GAREM1: variants seen among roughly 807,000 people sequenced by gnomAD.
The protein encoded by GAREM1 is GRB2-associated and regulator of MAPK protein 1.
A neutral mutation model predicts 71.3 loss-of-function variants in GAREM1; 26 were observed. The ratio of observed to expected loss-of-function variants is 0.36; its 90% CI spans 0.27 to 0.51. The LOEUF is 0.51. GAREM1 is among the 20% of genes least tolerant of loss of function. The pLI is 0.95. For synonymous variants in GAREM1, 440 were observed against 433.2 expected (o/e 1.02, Z -0.20); for missense variants, 1,026 against 1,103.1 (o/e 0.93, Z 0.99).
chr18:32,463,710 C>T (rs2048973164), intron 1 of GAREM1, among the ~76,000 whole-genome samples: 1 of 151,852 alleles, frequency 6.6e-6, no homozygotes, highest in South Asian at 2.1e-4. Context: ...GCTGGGACTA[C>T]AGGCACATGC....
chr18:32,469,648 G>A (rs1029040534), intron 1 of GAREM1, among the ~76,000 whole-genome samples: 11 of 152,172 alleles, frequency 7.2e-5, no homozygotes, highest in Admixed American at 2.0e-4. Context: ...CTGAGCTCAG[G>A]TTCCGAATCA....
At chr18:32,370,898 C>A (rs2047971643) in intron 2 of GAREM1, among the ~76,000 whole-genome samples, 2 of 152,144 alleles carry the variant, frequency 1.3e-5, no homozygotes, top group African/African-American at 4.8e-5. Flanking sequence ...ATAGACACAT[C>A]ATTGGTCTGA....
intron 2 of GAREM1, among the ~76,000 whole-genome samples, chr18:32,368,914 A>G (rs562046484): frequency 6.6e-6 from 1 of 152,362 alleles, no homozygotes; most frequent in Admixed American, 6.5e-5. Context: ...GAGCCAAAAA[A>G]AAATCTGCTT....
chr18:32,392,927 C>T lies in GAREM1; in HGVS notation c.230G>A (p.Gly77Glu). Residue 77 changes from glycine (G) to glutamate (E), a missense_variant, in exon 2 of 6, where the codon GGG becomes GAG. Physicochemically the swap from Gly to Glu is moderately conservative, Grantham distance 98. Coordinates refer to ENST00000269209, the MANE Select transcript of GAREM1 (RefSeq NM_001242409.2). ...HSLEEGHYVI[G>E]PKIEIPVHYA... The stretch of plus-strand genomic sequence containing the variant: ...ATGTACCGGAATCTCTATCTTTGGC[C>T]CAATGACATAGTGACCCTCCTCCAA... 6.2e-7 allele frequency: 1 copy of T among 1,613,792 alleles called. No individual in the cohort carries two copies. Among genetic ancestry groups the T allele is most frequent in the Non-Finnish European group, 8.5e-7 (1 of 1,179,860 alleles).
intron 2 of GAREM1, among the ~76,000 whole-genome samples, chr18:32,344,837 A>AAG (rs2047679086): frequency 6.6e-6 from 1 of 152,192 alleles, no homozygotes; most frequent in Non-Finnish European, 1.5e-5. Flanking sequence ...CAAGGCGGGC[A>AAG]GAACACAAGG....
intron 2 of GAREM1, among the ~76,000 whole-genome samples, chr18:32,359,410 C>T (rs910540993): frequency 5.3e-5 from 8 of 152,184 alleles, no homozygotes; most frequent in African/African-American, 1.2e-4. Flanking sequence ...CCCCGATCCT[C>T]CCAATTTGGC....
chr18:32,336,632 C>T (rs748911087), intron 2 of GAREM1, among the ~76,000 whole-genome samples: 5 of 152,092 alleles, frequency 3.3e-5, no homozygotes, highest in South Asian at 2.1e-4. Context: ...CTGCATATAG[C>T]GAGGCTGGGC....
At chr18:32,307,584 G>A (rs974054463) in intron 3 of GAREM1, among the ~76,000 whole-genome samples, 11 of 152,122 alleles carry the variant, frequency 7.2e-5, no homozygotes, top group Non-Finnish European at 1.3e-4. Context: ...GTGCAATGGC[G>A]TGATCTCGGC....
rs150268405 is a variant in GAREM1 at position 32,302,279 on chromosome 18, A to C, written c.393+7914T>G. 2.4e-3 allele frequency among the ~76,000 whole-genome samples: 366 copies of C among 152,322 alleles called. 2 individuals are homozygous for C. The highest frequency in any genetic ancestry group is 8.4e-3 in the African/African-American group (349 of 41,568). ...TCTCAGTTTTCATATTTGCTAAAAG[A>C]AGCAGGATTAGGCAACGTCTAAGGG... On this transcript the variant is annotated intron_variant, in intron 3 of 5. Coordinates refer to ENST00000269209, the MANE Select transcript of GAREM1 (RefSeq NM_001242409.2).
At chr18:32,276,095 T>C (rs2041539051) in intron 4 of GAREM1, among the ~76,000 whole-genome samples, 1 of 152,266 alleles carries the variant, frequency 6.6e-6, no homozygotes, top group African/African-American at 2.4e-5. Flanking sequence ...AATGCAGAGC[T>C]AAACAGAAAG....
intron 2 of GAREM1, among the ~76,000 whole-genome samples, chr18:32,338,097 A>G (rs1008158275): frequency 6.6e-6 from 1 of 152,186 alleles, no homozygotes; most frequent in African/African-American, 2.4e-5. Flanking sequence ...ACTCATCCAC[A>G]AATACAAAAA....
intron 2 of GAREM1, among the ~76,000 whole-genome samples, chr18:32,384,106 C>T (rs1310351030): frequency 6.6e-6 from 1 of 152,062 alleles, no homozygotes; most frequent in East Asian, 1.9e-4. Context: ...TACACCTATC[C>T]AAACTTTACC....
intron 2 of GAREM1, among the ~76,000 whole-genome samples, chr18:32,358,287 C>CCCTGCAGGGGAAGGGAACTG (rs2047825715): frequency 6.6e-6 from 1 of 151,994 alleles, no homozygotes; most frequent in Admixed American, 6.5e-5. Context: ...GAGATATGCC[C>CCCTGCAGGGGAAGGGAACTG]CCTGCAGGGG....
intron 4 of GAREM1, among the ~76,000 whole-genome samples, chr18:32,270,678 T>C (rs544026257): frequency 7.9e-4 from 121 of 152,222 alleles, no homozygotes; most frequent in African/African-American, 2.8e-3. Context: ...CAAGTTAAAG[T>C]GTCTATGGTT....
intron 2 of GAREM1, among the ~76,000 whole-genome samples, chr18:32,343,286 A>AGCTAAAAGAGTACTCTCCCCC (rs2047664029): frequency 6.6e-6 from 1 of 151,512 alleles, no homozygotes; most frequent in Non-Finnish European, 1.5e-5. Flanking sequence ...AATTCCGAAA[A>AGCTAAAAGAGTACTCTCCCCC]GCTAAAAGAG....
chr18:32,394,374 C>T (rs75169444), intron 1 of GAREM1, among the ~76,000 whole-genome samples: 9,326 of 152,058 alleles, frequency 0.061, 303 homozygotes, highest in South Asian at 0.078. Flanking sequence ...TGCACTCCAG[C>T]CTGGGTAACG....
chr18:32,273,256 C>T (rs1311300114), intron 4 of GAREM1, among the ~76,000 whole-genome samples: 1 of 152,126 alleles, frequency 6.6e-6, no homozygotes, highest in Non-Finnish European at 1.5e-5. Context: ...TAGAATTAGC[C>T]ACTAAATATG....
intron 1 of GAREM1, among the ~76,000 whole-genome samples, chr18:32,439,367 T>G (rs1365168450): frequency 1.3e-5 from 2 of 152,198 alleles, no homozygotes; most frequent in Non-Finnish European, 2.9e-5. Flanking sequence ...ATTGCCAGGC[T>G]GACATCAGAT....
At position 32,287,723 on chromosome 18, in the gene GAREM1, T is replaced by A; in HGVS notation, c.874A>T (p.Ile292Phe). 1.9e-6 allele frequency: 3 copies of A among 1,613,838 alleles called. No individual in the cohort carries two copies. The highest frequency in any genetic ancestry group is 2.5e-6 in the Non-Finnish European group (3 of 1,180,006). Residue 292 changes from isoleucine to phenylalanine, a missense_variant, in exon 4 of 6, where the codon ATC (isoleucine) becomes TTC (phenylalanine). Around this residue, in one of 3 missense-constraint regions of GAREM1, gnomAD observed 218 missense variants for 296.8 expected, o/e 0.73. Coordinates refer to ENST00000269209, the MANE Select transcript of GAREM1 (RefSeq NM_001242409.2). This position sits in a 1 kb window ranked among gnomAD's most constrained non-coding sequence, Gnocchi z 5.9. The part of the protein sequence containing the change: ...VVCCVLRNNK[I>F]LPMHFPLHLT... Reference sequence around the variant, plus strand: ...TGCAAAGGAAAGTGCATGGGGAGGATCTTGTTGTTCCGCAGCACACAGCAA... The same window carrying A: ...TGCAAAGGAAAGTGCATGGGGAGGAACTTGTTGTTCCGCAGCACACAGCAA...
Sources: allele counts gnomAD v4.1 joint callset (sites outside exome capture counted in the v4.1 genomes callset), GRCh38; gene constraint gnomAD v4.1.1; regional missense constraint gnomAD v4.1.1; non-coding constraint Gnocchi (gnomAD v3.1); transcripts MANE v1.5; gene names NCBI Gene and HGNC (gene_info 2026-07-23, HGNC 2026-07-21).